The following OTUD7A variants were observed in gnomAD, a reference collection of about 807,000 sequenced individuals.
OTUD7A encodes OTU domain-containing protein 7A.
A neutral mutation model predicts 65.7 loss-of-function variants in OTUD7A; 12 were observed. The observed-to-expected ratio is 0.18, with a 90% CI of 0.12 to 0.30. OTUD7A has a LOEUF of 0.30. Ranked by LOEUF, OTUD7A falls within the 10% of genes least tolerant of loss-of-function variation. OTUD7A has a pLI of 1.00. For synonymous variants in OTUD7A, 641 were observed against 586.3 expected (o/e 1.09, Z -1.35); for missense variants, 1,148 against 1,304.8 (o/e 0.88, Z 1.85).
intron 3 of OTUD7A, among the ~76,000 whole-genome samples, chr15:31,627,696 C>T (rs1453348012): frequency 2.6e-5 from 4 of 152,314 alleles, no homozygotes; most frequent in Non-Finnish European, 4.4e-5. Context: ...AACTAGTTTA[C>T]ACTCCCACCA....
At chr15:31,550,817 G>A (rs543009938) in intron 5 of OTUD7A, among the ~76,000 whole-genome samples, 58 of 152,334 alleles carry the variant, frequency 3.8e-4, no homozygotes, top group Admixed American at 1.6e-3. Context: ...CATTTCACAT[G>A]TGTATCCTGG....
rs778999543 is a variant in OTUD7A, at chr15:31,837,413, G to T, written c.-100+33094C>A. Among the ~76,000 whole-genome samples the T allele has an allele frequency of 1.8e-3, 276 of 151,128 alleles. 2 individuals are homozygous for T. The highest frequency in any genetic ancestry group is 2.7e-3 in the Non-Finnish European group (185 of 67,842). The stretch of plus-strand genomic sequence containing the variant: ...AAAAAAAAATTAGCCAGGTGTGGTG[G>T]TGTGTGCCTGTAATCCCAGCTACTC... On this transcript the variant is annotated intron_variant, in intron 1 of 12. Coordinates refer to ENST00000307050, the MANE Select transcript of OTUD7A (RefSeq NM_001382637.1).
At chr15:31,599,445 A>G (rs1034827875) in intron 3 of OTUD7A, among the ~76,000 whole-genome samples, 3 of 152,246 alleles carry the variant, frequency 2.0e-5, no homozygotes, top group Non-Finnish European at 2.9e-5. Context: ...ACTAACAAAC[A>G]GAAAGGAATA....
chr15:31,632,310 C>T (rs1285847820), intron 3 of OTUD7A, among the ~76,000 whole-genome samples: 1 of 152,232 alleles, frequency 6.6e-6, no homozygotes, highest in Non-Finnish European at 1.5e-5. Context: ...TTCTAACAGA[C>T]AGGACCCTCA....
chr15:31,635,404 G>A (rs1189069537), intron 3 of OTUD7A, among the ~76,000 whole-genome samples: 2 of 152,212 alleles, frequency 1.3e-5, no homozygotes, highest in Non-Finnish European at 2.9e-5. Context: ...AAGACCTAGG[G>A]CTAGCGGAGC....
At chr15:31,684,383 A>T (rs922788816) in intron 1 of OTUD7A, among the ~76,000 whole-genome samples, 5 of 152,126 alleles carry the variant, frequency 3.3e-5, no homozygotes, top group Non-Finnish European at 5.9e-5. Context: ...TCAGTTACCT[A>T]TTGCTGTGAA....
chr15:31,494,332 A>G (rs569562392), intron 10 of OTUD7A, among the ~76,000 whole-genome samples: 1 of 152,316 alleles, frequency 6.6e-6, no homozygotes, highest in African/African-American at 2.4e-5. Flanking sequence ...TCTCTTGGCC[A>G]CGTGAGGACA....
intron 1 of OTUD7A, among the ~76,000 whole-genome samples, chr15:31,730,946 T>C (rs1176083263): frequency 3.3e-5 from 5 of 152,198 alleles, no homozygotes; most frequent in Admixed American, 1.3e-4. Flanking sequence ...CTTGGTCAAG[T>C]TGCTGAAGTG....
intron 3 of OTUD7A, among the ~76,000 whole-genome samples, chr15:31,627,917 C>T (rs915687922): frequency 7.9e-5 from 12 of 152,146 alleles, no homozygotes; most frequent in South Asian, 2.1e-4. Context: ...TCATATCCTT[C>T]ACCCACTTGT....
chr15:31,560,053 C>T (rs570476062), intron 4 of OTUD7A, among the ~76,000 whole-genome samples: 21 of 152,244 alleles, frequency 1.4e-4, no homozygotes, highest in Non-Finnish European at 2.9e-4. Flanking sequence ...ACCAGGCTTG[C>T]TCTTGGGTCT....
chr15:31,778,040 G>T (rs137862973), intron 1 of OTUD7A, among the ~76,000 whole-genome samples: 1 of 152,218 alleles, frequency 6.6e-6, no homozygotes, highest in South Asian at 2.1e-4. Flanking sequence ...GGATCTAGGG[G>T]TATCATCAGT....
chr15:31,632,325 C>T (rs1424129735), intron 3 of OTUD7A, among the ~76,000 whole-genome samples: 1 of 152,236 alleles, frequency 6.6e-6, no homozygotes, highest in Non-Finnish European at 1.5e-5. Flanking sequence ...CCCTCAGCTG[C>T]AGGTCTGTTG....
rs398026753 is a variant in OTUD7A, at chr15:31,564,387, G to GTTTTTTTTTTTTTT, written c.332-5201_332-5200insAAAAAAAAAAAAAA. On this transcript the variant is annotated intron_variant, in intron 4 of 12. Coordinates refer to ENST00000307050, the MANE Select transcript of OTUD7A (RefSeq NM_001382637.1). Reference sequence around the variant, plus strand: ...TTTTTGGAAGTAGTCTTTGAGGAAGGTTTTTTTTTTTTTAGCAAAAGAGAA... The same window carrying GTTTTTTTTTTTTTT: ...TTTTTGGAAGTAGTCTTTGAGGAAGGTTTTTTTTTTTTTTTTTTTTTTTTTTTAGCAAAAGAGAA... 3.1e-4 allele frequency among the ~76,000 whole-genome samples: 37 copies of GTTTTTTTTTTTTTT among 119,890 alleles called. 2 individuals are homozygous for GTTTTTTTTTTTTTT. The highest frequency in any genetic ancestry group is 4.0e-4 in the African/African-American group (14 of 35,018). The allele number at this position is 119,890 out of a possible 152,430, so 78.7% of individuals were successfully genotyped here. A position where few individuals can be genotyped will look rare whatever the true frequency, so the allele number is the denominator to read the frequency against.
intron 1 of OTUD7A, among the ~76,000 whole-genome samples, chr15:31,681,044 A>G (rs954915369): frequency 6.7e-6 from 1 of 149,744 alleles, no homozygotes; most frequent in Non-Finnish European, 1.5e-5. Flanking sequence ...TCCACCTATC[A>G]TCTATCTTCA....
At chr15:31,493,200 G>A (rs905629890) in intron 10 of OTUD7A, among the ~76,000 whole-genome samples, 1 of 151,922 alleles carries the variant, frequency 6.6e-6, no homozygotes, top group Non-Finnish European at 1.5e-5. Flanking sequence ...ACATATGGAG[G>A]TTAAAAGATA....
chr15:31,794,785 G>C (rs1895910131), intron 1 of OTUD7A, among the ~76,000 whole-genome samples: 1 of 152,178 alleles, frequency 6.6e-6, no homozygotes, highest in African/African-American at 2.4e-5. Context: ...CAATTCATAA[G>C]AAGAGAGCCA....
chr15:31,839,787 C>T (rs1008930682), intron 1 of OTUD7A, among the ~76,000 whole-genome samples: 5 of 152,122 alleles, frequency 3.3e-5, no homozygotes, highest in African/African-American at 1.2e-4. Context: ...ATGTGCAAAG[C>T]CTCTTGGGAC....
At chr15:31,678,962 G>A (rs56715516) in intron 1 of OTUD7A, among the ~76,000 whole-genome samples, 8,485 of 152,292 alleles carry the variant, frequency 0.056, 802 homozygotes, top group African/African-American at 0.19. Flanking sequence ...AGCCAGGAGC[G>A]GGTCTATACC....
intron 1 of OTUD7A, among the ~76,000 whole-genome samples, chr15:31,761,651 C>A (rs537842052): frequency 6.6e-6 from 1 of 152,254 alleles, no homozygotes; most frequent in East Asian, 1.9e-4. Flanking sequence ...TCCCATATGA[C>A]CCAGACATTC....
Sources: allele counts gnomAD v4.1 joint callset (sites outside exome capture counted in the v4.1 genomes callset), GRCh38; gene constraint gnomAD v4.1.1; transcripts MANE v1.5; gene names NCBI Gene and HGNC (gene_info 2026-07-23, HGNC 2026-07-21).